Variants in EEPD1 observed in about 807,000 individuals in gnomAD.
The protein encoded by EEPD1 is endonuclease/exonuclease/phosphatase family domain containing 1.
EEPD1 carries 17 observed loss-of-function variants against 46.3 expected under a neutral mutation model. That is an observed-to-expected ratio of 0.37 (90% CI 0.25 to 0.55). The LOEUF (loss-of-function observed/expected upper bound fraction) is 0.55. Ranked by LOEUF, EEPD1 falls within the 20% of genes least tolerant of loss-of-function variation. The pLI is 0.83. For synonymous variants in EEPD1, 313 were observed against 315.6 expected (o/e 0.99, Z 0.09); for missense variants, 673 against 745.6 (o/e 0.90, Z 1.13).
At chr7:36,233,875 A>T (rs1474579246) in intron 2 of EEPD1, among the ~76,000 whole-genome samples, 1 of 152,076 alleles carries the variant, frequency 6.6e-6, no homozygotes, top group African/African-American at 2.4e-5. Context: ...GATGTTTGCT[A>T]ATTTGTTGTT....
At chr7:36,207,789 T>C (rs910647094) in intron 2 of EEPD1, among the ~76,000 whole-genome samples, 1 of 152,202 alleles carries the variant, frequency 6.6e-6, no homozygotes, top group Non-Finnish European at 1.5e-5. Context: ...AAAGTGTTTC[T>C]ACTTTAGTAA....
Position 36,254,848 on chromosome 7 carries a change from A to G in EEPD1, c.930+15812A>G, listed in dbSNP as rs189664962. 3.6e-3 allele frequency among the ~76,000 whole-genome samples: 546 copies of G among 152,312 alleles called. 4 individuals are homozygous for G. The highest frequency in any genetic ancestry group is 0.012 in the African/African-American group (517 of 41,560). On this transcript the variant is annotated intron_variant, in intron 3 of 7. Transcript: ENST00000242108. Reference sequence around the variant, plus strand: ...GCCATTCTAACTGGCGTGAGATGGTATCTCATTGTGGTTTTGATTTGCATT... The same window carrying G: ...GCCATTCTAACTGGCGTGAGATGGTGTCTCATTGTGGTTTTGATTTGCATT...
At chr7:36,295,185 A>C (rs1787503284) in intron 6 of EEPD1, among the ~76,000 whole-genome samples, 1 of 152,006 alleles carries the variant, frequency 6.6e-6, no homozygotes, top group Non-Finnish European at 1.5e-5. Context: ...TCAAAAAGAA[A>C]AAAAGAAAAA....
intron 3 of EEPD1, among the ~76,000 whole-genome samples, chr7:36,258,225 G>T (rs1786857902): frequency 6.6e-6 from 1 of 152,178 alleles, no homozygotes; most frequent in Non-Finnish European, 1.5e-5. Flanking sequence ...GCACCCACCA[G>T]ATGTCAGCCA....
chr7:36,223,342 CA>C (rs1293308974), intron 2 of EEPD1, among the ~76,000 whole-genome samples: 1 of 152,048 alleles, frequency 6.6e-6, no homozygotes, highest in African/African-American at 2.4e-5. Context: ...TGAGTCACAC[CA>C]GACTGGTGAC....
intron 2 of EEPD1, among the ~76,000 whole-genome samples, chr7:36,160,682 GC>G (rs111620089): frequency 0.02 from 2,820 of 139,896 alleles, 221 homozygotes; most frequent in African/African-American, 0.07. Context: ...GTGGTGGGGG[GC>G]GGGGCGTGCA....
chr7:36,184,619 C>A (rs1203164562), intron 2 of EEPD1, among the ~76,000 whole-genome samples: 1 of 152,164 alleles, frequency 6.6e-6, no homozygotes, highest in African/African-American at 2.4e-5. Context: ...CCTTACAGTT[C>A]TTTCGTAACT....
At position 36,230,270 on chromosome 7, in the gene EEPD1, A is replaced by G. The variant is rs1345816222; in HGVS notation, c.879-8715A>G. On this transcript the variant is annotated intron_variant, in intron 2 of 7. Coordinates refer to ENST00000242108, the MANE Select transcript of EEPD1 (RefSeq NM_030636.3). ...CCTCCAGCATTGCCACCCCCACCCCATCCCCATCCATTCTCAACACCATGG... is the reference window on the plus strand; with the variant it reads ...CCTCCAGCATTGCCACCCCCACCCCGTCCCCATCCATTCTCAACACCATGG... Among the ~76,000 whole-genome samples the G allele has an allele frequency of 3.1e-5, 4 of 129,704 alleles. No individual in the cohort carries two copies. In the South Asian group the frequency reaches 1.1e-3, roughly 36 times the overall value. 85.1% of individuals were successfully genotyped at this position (129,704 alleles called of 152,430 possible). A position where few individuals can be genotyped will look rare whatever the true frequency, so the allele number is the denominator to read the frequency against.
intron 2 of EEPD1, among the ~76,000 whole-genome samples, chr7:36,198,387 AAAACTGGTTAATAAAACTTTAATAAACC>A: frequency 7.6e-6 from 1 of 132,146 alleles, no homozygotes; most frequent in Non-Finnish European, 1.7e-5. Context: ...AAACTAAATC[AAAACTGGTTAATAAAACTTTAATAAACC>A]AAAAAAAAAA....
In EEPD1 at chr7:36,154,209, C is replaced by T. The variant is rs142899131; in HGVS notation, c.-116C>T. 6 of 1,320,720 alleles carry T rather than the reference C, an allele frequency of 4.5e-6. No homozygotes were observed. The African/African-American group carries it at 5.9e-5, about 13-fold the overall frequency. 81.8% of individuals were successfully genotyped at this position (1,320,720 alleles called of 1,614,324 possible). ...TTTGTCTATAGTAACCTCTTCAGTC[C>T]CTGAATCCTGCACCTTCCGTTTTTC... On this transcript the variant is annotated 5_prime_UTR_variant, in exon 2 of 8. Transcript: ENST00000242108. The surrounding 1 kb of genome is among the most constrained non-coding windows in gnomAD (Gnocchi z 4.2).
chr7:36,159,105 A>G (rs1784866097), intron 2 of EEPD1, among the ~76,000 whole-genome samples: 1 of 152,280 alleles, frequency 6.6e-6, no homozygotes, highest in South Asian at 2.1e-4. Context: ...CTTGATTAGT[A>G]GGATCAATAT....
At chr7:36,279,952 A>C (rs1227230623) in intron 3 of EEPD1, among the ~76,000 whole-genome samples, 1 of 152,330 alleles carries the variant, frequency 6.6e-6, no homozygotes, top group South Asian at 2.1e-4. Context: ...GAGAGAAGAC[A>C]GGACTCTGAA....
chr7:36,260,785 T>G (rs1295981479), intron 3 of EEPD1, among the ~76,000 whole-genome samples: 1 of 152,220 alleles, frequency 6.6e-6, no homozygotes, highest in Non-Finnish European at 1.5e-5. Context: ...TTCAGTGTAG[T>G]CAGCCCTCCA....
chr7:36,156,885 G>C (rs1016525382), intron 2 of EEPD1, among the ~76,000 whole-genome samples: 1 of 152,142 alleles, frequency 6.6e-6, no homozygotes, highest in Non-Finnish European at 1.5e-5. Flanking sequence ...CAGGGTTAGT[G>C]AATTCATGCA....
chr7:36,190,720 A>T (rs1785447358), intron 2 of EEPD1, among the ~76,000 whole-genome samples: 1 of 152,356 alleles, frequency 6.6e-6, no homozygotes, highest in South Asian at 2.1e-4. Flanking sequence ...GCACACAAAA[A>T]TAATACTAAT....
intron 3 of EEPD1, among the ~76,000 whole-genome samples, chr7:36,241,555 A>G (rs534165100): frequency 6.6e-5 from 10 of 152,230 alleles, no homozygotes; most frequent in Non-Finnish European, 1.5e-4. Flanking sequence ...TCAGTATAAT[A>G]AAAATGCAGG....
At chr7:36,192,271 A>T (rs1404340778) in intron 2 of EEPD1, among the ~76,000 whole-genome samples, 2 of 152,248 alleles carry the variant, frequency 1.3e-5, no homozygotes, top group African/African-American at 4.8e-5. Flanking sequence ...ACCACAAATT[A>T]TTTTTAAAAG....
chr7:36,225,702 G>A lies in EEPD1; in HGVS notation c.879-13283G>A, dbSNP rs1199786524. Among the ~76,000 whole-genome samples, 2 of 152,116 alleles carry A rather than the reference G, an allele frequency of 1.3e-5. No homozygotes were observed. The highest frequency in any genetic ancestry group is 4.8e-5 in the African/African-American group (2 of 41,406). On this transcript the variant is annotated intron_variant, in intron 2 of 7. Coordinates refer to ENST00000242108, the MANE Select transcript of EEPD1 (RefSeq NM_030636.3). The surrounding 1 kb of genome is among the most constrained non-coding windows in gnomAD (Gnocchi z 4.2). ...AAAAAAAAATTTGGCTCTATTCCCA[G>A]GCCCCATAACACCAACCTACGTGTG...
chr7:36,277,828 G>A (rs923450720), intron 3 of EEPD1, among the ~76,000 whole-genome samples: 2 of 147,770 alleles, frequency 1.4e-5, no homozygotes, highest in South Asian at 2.2e-4. Context: ...GCGAGGGGTC[G>A]GTGATCTGCT....
Sources: allele counts gnomAD v4.1 joint callset (sites outside exome capture counted in the v4.1 genomes callset), GRCh38; gene constraint gnomAD v4.1.1; non-coding constraint Gnocchi (gnomAD v3.1); transcripts MANE v1.5; gene names NCBI Gene and HGNC (gene_info 2026-07-23, HGNC 2026-07-21).